Variants in ACAD11 observed in about 807,000 individuals in gnomAD.
ACAD11 encodes the protein acyl-CoA dehydrogenase family member 11, also known as acyl-Coenzyme A dehydrogenase family, member 11.
ACAD11 carries 83 observed loss-of-function variants against 102.2 expected under a neutral mutation model. The observed-to-expected ratio is 0.81, with a 90% CI of 0.68 to 0.97. ACAD11 has a LOEUF of 0.97. Among genes scored for constraint, ACAD11 ranks in the 50% least tolerant of loss-of-function variants. The pLI is 0.00. For missense variants in ACAD11, 901 were observed against 951.7 expected, an observed-to-expected ratio of 0.95 and a Z score of 0.70; for synonymous variants, 324 against 319.8, an observed-to-expected ratio of 1.01 and a Z score of -0.14.
intron 1 of ACAD11, among the ~76,000 whole-genome samples, chr3:132,653,587 A>T (rs779358320): frequency 6.6e-6 from 1 of 152,026 alleles, no homozygotes; most frequent in Non-Finnish European, 1.5e-5. Flanking sequence ...TCTTGACCTC[A>T]CTTCCCCCCT....
chr3:132,600,846 T>A (rs138269944), intron 13 of ACAD11: 2,001 of 1,613,392 alleles, frequency 1.2e-3, no homozygotes, highest in Middle Eastern at 0.011. Flanking sequence ...CAATCAGGAG[T>A]GGGAAAACCA....
At position 132,615,872 on chromosome 3, in the gene ACAD11, C is replaced by T. The variant is rs183175436; in HGVS notation, c.1414+2762G>A. 2.1e-4 allele frequency among the ~76,000 whole-genome samples: 32 copies of T among 152,166 alleles called. 1 individual carries two copies. Among genetic ancestry groups the T allele is most frequent in the Non-Finnish European group, 1.2e-4 (8 of 68,012 alleles). On this transcript the variant is annotated intron_variant, in intron 11 of 19. Transcript: ENST00000264990. Reference sequence around the variant, plus strand: ...AGTAATAGCTTTAGAATTAAAGTTGCTATTTTCAACATTCCAATATACAAT... The same window carrying T: ...AGTAATAGCTTTAGAATTAAAGTTGTTATTTTCAACATTCCAATATACAAT...
At chr3:132,600,540 T>A in intron 13 of ACAD11, 3 of 1,613,954 alleles carry the variant, frequency 1.9e-6, no homozygotes, top group Non-Finnish European at 2.5e-6. Context: ...CCTGTATTCC[T>A]CACAATAGTT....
At chr3:132,633,923 C>A (rs1314123700) in intron 5 of ACAD11, among the ~76,000 whole-genome samples, 1 of 152,030 alleles carries the variant, frequency 6.6e-6, no homozygotes, top group East Asian at 1.9e-4. Flanking sequence ...GGATTAAAGA[C>A]TTACATGTTA....
At chr3:132,659,336 G>A (rs1937997567) in intron 1 of ACAD11, 1 of 461,628 alleles carries the variant, frequency 2.2e-6, no homozygotes, top group Non-Finnish European at 3.8e-6. Flanking sequence ...GAATCCTCAA[G>A]GGACATAAAT....
chr3:132,656,146 T>C (rs142519080), intron 1 of ACAD11, among the ~76,000 whole-genome samples: 2 of 152,366 alleles, frequency 1.3e-5, no homozygotes, highest in African/African-American at 2.4e-5. Context: ...TTCTGTGTTA[T>C]GTACAGCTGT....
intron 11 of ACAD11, among the ~76,000 whole-genome samples, chr3:132,606,369 T>G (rs895679463): frequency 7.9e-5 from 12 of 152,202 alleles, no homozygotes; most frequent in Non-Finnish European, 2.9e-5. Context: ...TTCATGAAGC[T>G]CATTGTTTGT....
At chr3:132,623,621 A>T (rs1576599195) in intron 9 of ACAD11, among the ~76,000 whole-genome samples, 2 of 152,272 alleles carry the variant, frequency 1.3e-5, no homozygotes, top group African/African-American at 4.8e-5. Flanking sequence ...TTTTCTGGTC[A>T]CACAAAACAT....
At position 132,561,098 on chromosome 3, in the gene ACAD11, C is replaced by A. The variant is rs1178893817; in HGVS notation, c.2118+3G>T. The A allele has an allele frequency of 5.0e-6, 8 of 1,610,220 alleles. No individual in the cohort carries two copies. Among genetic ancestry groups the A allele is most frequent in the Non-Finnish European group, 6.8e-6 (8 of 1,177,080 alleles). ...GTGGTCTGAGGGGAGAAGGTAGCCT[C>A]ACCTCTTTCTTAGCGCCAGCACTGC... On this transcript the variant is annotated splice_donor_region_variant and intron_variant, in intron 18 of 19. Coordinates refer to ENST00000264990, the MANE Select transcript of ACAD11 (RefSeq NM_032169.5).
At chr3:132,588,192 GGTATGTATGTAT>G (rs3045373) in intron 13 of ACAD11, among the ~76,000 whole-genome samples, 12 of 150,684 alleles carry the variant, frequency 8.0e-5, no homozygotes, top group African/African-American at 2.0e-4. Flanking sequence ...CAGGCAGGCA[GGTATGTATGTAT>G]GTATGTATGT....
chr3:132,566,965 T>TA (rs1937232312), intron 17 of ACAD11, among the ~76,000 whole-genome samples: 2 of 152,174 alleles, frequency 1.3e-5, no homozygotes, highest in Non-Finnish European at 2.9e-5. Flanking sequence ...TTAGAGAAAA[T>TA]AATTAAGACA....
Position 132,642,752 on chromosome 3 carries a change from G to A in ACAD11, c.300C>T (p.Pro100=), listed in dbSNP as rs9877018. The change falls in exon 3 of 20, where the codon CCC becomes CCT. Residue 100 remains proline, a synonymous_variant. Transcript: ENST00000264990. ...VQKALFSIGF[P]VPKPILYCSD... ...TGCAGTACAGTATAGGCTTGGGAAC[G>A]GGGAATCCAATTGAAAACAAGGCTT... is the stretch of plus-strand genomic sequence containing the variant. 0.057 allele frequency: 91,834 copies of A among 1,612,740 alleles called. 2,839 individuals are homozygous for A. The highest frequency in any genetic ancestry group is 0.061 in the Non-Finnish European group (71,726 of 1,179,338).
intron 12 of ACAD11, 186 bp downstream of exon 12, chr3:132,604,912 A>T (rs1938772224): frequency 4.2e-6 from 2 of 479,706 alleles, no homozygotes; most frequent in Non-Finnish European, 7.6e-6. Flanking sequence ...AAAGGAGAGG[A>T]TCATATTTTT....
intron 9 of ACAD11, among the ~76,000 whole-genome samples, chr3:132,623,440 T>A (rs751649431): frequency 2.0e-5 from 3 of 152,178 alleles, no homozygotes; most frequent in Non-Finnish European, 4.4e-5. Flanking sequence ...CTCTAACATG[T>A]TACACAGAGA....
chr3:132,562,736 G>A (rs1419565367), intron 17 of ACAD11, among the ~76,000 whole-genome samples: 1 of 152,128 alleles, frequency 6.6e-6, no homozygotes, highest in Non-Finnish European at 1.5e-5. Flanking sequence ...TTGGTGATAT[G>A]TCTGTTAAAG....
chr3:132,640,715 TGGG>T (rs1164043562), intron 4 of ACAD11, among the ~76,000 whole-genome samples: 1 of 152,156 alleles, frequency 6.6e-6, no homozygotes, highest in Non-Finnish European at 1.5e-5. Flanking sequence ...ATCTGCAAAA[TGGG>T]AGTAATAATA....
intron 1 of ACAD11, 156 bp downstream of exon 1, chr3:132,659,447 G>A: frequency 2.9e-6 from 3 of 1,034,128 alleles, no homozygotes; most frequent in Non-Finnish European, 4.1e-6. Context: ...CGAATTCGGA[G>A]GGCCGGCAAT....
At chr3:132,641,638 A>AGAG (rs1398070288) in intron 4 of ACAD11, among the ~76,000 whole-genome samples, 165 of 122,292 alleles carry the variant, frequency 1.3e-3, no homozygotes, top group South Asian at 4.9e-3. Context: ...AGGAGGAAGA[A>AGAG]GAGGAAGAAG....
chr3:132,649,531 A>G (rs1490714328), intron 1 of ACAD11, among the ~76,000 whole-genome samples: 1 of 152,180 alleles, frequency 6.6e-6, no homozygotes, highest in Non-Finnish European at 1.5e-5. Context: ...CTTTGCTCAC[A>G]TGTTTTCTTG....
Sources: gnomAD v4.1 joint callset for allele counts (sites outside exome capture counted in the v4.1 genomes callset) on GRCh38, gnomAD v4.1.1 for gene constraint, MANE v1.5 for transcripts, NCBI Gene and HGNC (gene_info 2026-07-23, HGNC 2026-07-21) for gene names.